The following LRRFIP1 variants were observed in gnomAD, a reference collection of about 807,000 sequenced individuals.
The protein encoded by LRRFIP1 is LRR binding FLII interacting protein 1.
In LRRFIP1, 62 loss-of-function variants were observed where a neutral mutation model predicts 104.4. The ratio of observed to expected loss-of-function variants is 0.59; its 90% CI spans 0.48 to 0.73. The LOEUF (loss-of-function observed/expected upper bound fraction) is 0.73, where lower values mean the gene tolerates loss of function less well. Among genes scored for constraint, LRRFIP1 ranks in the 30% least tolerant of loss-of-function variants. The pLI is 0.00. For synonymous variants in LRRFIP1, 300 were observed against 299.0 expected, an observed-to-expected ratio of 1.00 and a Z score of -0.03; for missense variants, 796 against 824.5, an observed-to-expected ratio of 0.97 and a Z score of 0.42.
chr2:237,655,264 C>G (rs893009517), intron 1 of LRRFIP1, among the ~76,000 whole-genome samples: 1 of 149,564 alleles, frequency 6.7e-6, no homozygotes, highest in African/African-American at 2.5e-5. Flanking sequence ...GCATGCATCA[C>G]CATGCCCAGC....
chr2:237,629,598 A>G (rs988548984), intron 1 of LRRFIP1, among the ~76,000 whole-genome samples: 1 of 150,886 alleles, frequency 6.6e-6, no homozygotes, highest in African/African-American at 2.4e-5. Flanking sequence ...CAGCCTCACC[A>G]GTAGCTGGGA....
chr2:237,710,654 A>C (rs1338326728), intron 2 of LRRFIP1, among the ~76,000 whole-genome samples: 6 of 152,242 alleles, frequency 3.9e-5, no homozygotes, highest in Non-Finnish European at 5.9e-5. Flanking sequence ...TGATTTAAAC[A>C]TATACATATT....
chr2:237,750,796 T>G (rs1233900051), intron 13 of LRRFIP1, among the ~76,000 whole-genome samples: 1 of 152,206 alleles, frequency 6.6e-6, no homozygotes, highest in Non-Finnish European at 1.5e-5. Context: ...AAGTAGAGAC[T>G]TGGAGCTCCA....
intron 11 of LRRFIP1, among the ~76,000 whole-genome samples, chr2:237,746,828 A>G (rs3754718): frequency 0.061 from 9,287 of 152,284 alleles, 419 homozygotes; most frequent in East Asian, 0.14. Context: ...ACAGGGCCTC[A>G]GGTGGGTCCT....
intron 10 of LRRFIP1, among the ~76,000 whole-genome samples, chr2:237,738,860 T>C (rs1457691041): frequency 6.6e-6 from 1 of 152,258 alleles, no homozygotes; most frequent in Non-Finnish European, 1.5e-5. Flanking sequence ...CCTGTGCAAG[T>C]CTTCAGTTTC....
chr2:237,698,737 GC>G (rs1441828009), intron 1 of LRRFIP1, among the ~76,000 whole-genome samples: 1 of 152,126 alleles, frequency 6.6e-6, no homozygotes, highest in African/African-American at 2.4e-5. Context: ...CTTCATGATG[GC>G]CTGAGCACCA....
At position 237,691,079 on chromosome 2, in the gene LRRFIP1, T is replaced by C. The variant is rs10210312; in HGVS notation, c.97-17465T>C. ...GCCCGGGTCACGGCGGGAAGGTGAG[T>C]GCTCACAGGCGCGAGCTCACGTTAC... On this transcript the variant is annotated intron_variant, in intron 1 of 23. Coordinates refer to ENST00000308482, the MANE Select transcript of LRRFIP1 (RefSeq NM_001137550.2). The surrounding 1 kb of genome is among the most constrained non-coding windows in gnomAD (Gnocchi z 5.4). 0.07 allele frequency among the ~76,000 whole-genome samples: 10,491 copies of C among 149,912 alleles called. 1,200 individuals are homozygous for C. The highest frequency in any genetic ancestry group is 0.24 in the African/African-American group (9,496 of 39,566).
chr2:237,712,660 T>G (rs552354023), intron 2 of LRRFIP1, among the ~76,000 whole-genome samples: 125 of 152,150 alleles, frequency 8.2e-4, no homozygotes, highest in Non-Finnish European at 1.6e-3. Context: ...TGTGCATGTG[T>G]GTGCATGTGC....
intron 19 of LRRFIP1, 116 bp from the exon 20 acceptor site, chr2:237,769,827 A>G (rs1047775406): frequency 3.8e-6 from 3 of 794,024 alleles, no homozygotes; most frequent in Non-Finnish European, 6.5e-6. Flanking sequence ...TGGTACGTGT[A>G]TAACTACTTC....
At position 237,733,838 on chromosome 2, in the gene LRRFIP1, T is replaced by C; in HGVS notation, c.489+20T>C. On this transcript the variant is annotated intron_variant, in intron 9 of 23. Transcript: ENST00000308482. ...TACCGGGTGCGTGTGCTGCCCACCC[T>C]GCTGCCCCGCACCCCCTCCCACTGT... The C allele has an allele frequency of 6.2e-7, 1 of 1,612,578 alleles. No individual in the cohort carries two copies.
chr2:237,753,840 G>GTA (rs1333278562), intron 15 of LRRFIP1, among the ~76,000 whole-genome samples: 2 of 145,376 alleles, frequency 1.4e-5, no homozygotes, highest in Non-Finnish European at 3.0e-5. Context: ...GTGTGTGTGT[G>GTA]TATGTATGTA....
chr2:237,746,572 C>T (rs1313281514), intron 11 of LRRFIP1, among the ~76,000 whole-genome samples: 1 of 152,150 alleles, frequency 6.6e-6, no homozygotes, highest in African/African-American at 2.4e-5. Flanking sequence ...CGGAGTCTGC[C>T]TTGGTGCCTC....
In LRRFIP1 at chr2:237,712,172, C is replaced by A. The variant is rs946260918; in HGVS notation, c.184-2087C>A. 2.0e-5 allele frequency among the ~76,000 whole-genome samples: 3 copies of A among 152,288 alleles called. No individual in the cohort carries two copies. The East Asian group carries it at 5.8e-4, about 29-fold the overall frequency. On this transcript the variant is annotated intron_variant, in intron 2 of 23. Coordinates refer to ENST00000308482, the MANE Select transcript of LRRFIP1 (RefSeq NM_001137550.2). ...AACTTTACAGGTGAGGAAAACAGGC[C>A]TTAGGGAGATACACAGTTTTCCCCA...
At chr2:237,754,797 C>A (rs79265368) in intron 15 of LRRFIP1, among the ~76,000 whole-genome samples, 3 of 152,226 alleles carry the variant, frequency 2.0e-5, no homozygotes, top group Non-Finnish European at 4.4e-5. Context: ...GCCCAGCCCC[C>A]CTTCGGGTGG....
In LRRFIP1 at chr2:237,751,218, G is replaced by A; in HGVS notation, c.814G>A (p.Asp272Asn). The A allele has an allele frequency of 6.2e-7, 1 of 1,609,814 alleles. No homozygotes were observed. The highest frequency in any genetic ancestry group is 8.5e-7 in the Non-Finnish European group (1 of 1,178,230). ...REIKELNELK[D>N]QIQDVEGKYM... ...CCCCCAGGAACTCAATGAGTTAAAG[G>A]ACCAGATTCAGGATGTAGAAGGCAA... The change falls in exon 14 of 24, where the codon GAC becomes AAC. Residue 272 changes from aspartate (D) to asparagine (N), a missense_variant. Physicochemically the swap from Asp to Asn is conservative, Grantham distance 23 (BLOSUM62 1). Transcript: ENST00000308482.
chr2:237,720,720 C>A lies in LRRFIP1; in HGVS notation c.295-52C>A, dbSNP rs1205088110. On this transcript the variant is annotated intron_variant, in intron 5 of 23. Coordinates refer to ENST00000308482, the MANE Select transcript of LRRFIP1 (RefSeq NM_001137550.2). The stretch of plus-strand genomic sequence containing the variant: ...CCCTGAAACTTGGGCACTGGTTCTT[C>A]ATGTATGTTGTATGATTCCTTCACG... The A allele has an allele frequency of 4.6e-6, 7 of 1,535,438 alleles. No homozygotes were observed. The East Asian group carries it at 1.6e-4, about 35-fold the overall frequency.
At position 237,769,394 on chromosome 2, in the gene LRRFIP1, C is replaced by T. The variant is rs75126639; in HGVS notation, c.1460-549C>T. 8.7e-3 allele frequency: 1,331 copies of T among 153,696 alleles called. 23 individuals are homozygous for T. The highest frequency in any genetic ancestry group is 0.031 in the African/African-American group (1,285 of 41,554). The allele number at this position is 153,696 out of a possible 1,614,324, so 9.5% of individuals were successfully genotyped here. On this transcript the variant is annotated intron_variant, in intron 19 of 23. Transcript: ENST00000308482. ...TTACAGACACTTAAACCATTACTGC[C>T]TTCTTCCTCAAAAGAATAACAGCTT... is the stretch of plus-strand genomic sequence containing the variant.
intron 16 of LRRFIP1, among the ~76,000 whole-genome samples, chr2:237,757,087 T>A (rs932413184): frequency 6.6e-6 from 1 of 152,254 alleles, no homozygotes; most frequent in Non-Finnish European, 1.5e-5. Flanking sequence ...AGACTCATTT[T>A]GGACTTCTGA....
intron 1 of LRRFIP1, among the ~76,000 whole-genome samples, chr2:237,699,345 T>C (rs902195013): frequency 6.7e-6 from 1 of 149,380 alleles, no homozygotes; most frequent in Non-Finnish European, 1.5e-5. Flanking sequence ...GTTTTTCTTT[T>C]CTTTTTTTTT....
Sources: allele counts gnomAD v4.1 joint callset (sites outside exome capture counted in the v4.1 genomes callset), GRCh38; gene constraint gnomAD v4.1.1; non-coding constraint Gnocchi (gnomAD v3.1); transcripts MANE v1.5; gene names NCBI Gene and HGNC (gene_info 2026-07-23, HGNC 2026-07-21).